Variants in MYH9 observed in about 807,000 individuals in gnomAD.
The protein encoded by MYH9 is myosin heavy chain 9.
A neutral mutation model predicts 241.9 loss-of-function variants in MYH9; 29 were observed. The observed-to-expected ratio is 0.12, with a 90% CI of 0.09 to 0.16. MYH9 has a LOEUF of 0.16. MYH9 is among the 10% of genes least tolerant of loss of function. The pLI is 1.00. For synonymous variants in MYH9, 1,047 were observed against 1,062.6 expected (o/e 0.99, Z 0.29); for missense variants, 1,803 against 2,595.5 (o/e 0.69, Z 6.63).
chr22:36,315,709 C>T (rs1213133649), intron 12 of MYH9, among the ~76,000 whole-genome samples: 1 of 151,736 alleles, frequency 6.6e-6, no homozygotes, highest in African/African-American at 2.4e-5. Flanking sequence ...GTTCACACCA[C>T]TGCACTCCAG....
chr22:36,323,652 C>T (rs964258675), intron 5 of MYH9, among the ~76,000 whole-genome samples: 6 of 152,098 alleles, frequency 3.9e-5, no homozygotes, highest in Middle Eastern at 3.2e-3. Context: ...TGCAGGGCAC[C>T]GGGGACACTC....
intron 1 of MYH9, among the ~76,000 whole-genome samples, chr22:36,374,160 A>T (rs2018130664): frequency 6.6e-6 from 1 of 152,056 alleles, no homozygotes; most frequent in South Asian, 2.1e-4. Context: ...AGGCAAGTGG[A>T]TCACCTGAAA....
In MYH9 at chr22:36,284,135, T is replaced by C; in HGVS notation, c.5723A>G (p.Asp1908Gly). 2 of 1,614,214 alleles carry C rather than the reference T, an allele frequency of 1.2e-6. No individual in the cohort carries two copies. The highest frequency in any genetic ancestry group is 1.7e-6 in the Non-Finnish European group (2 of 1,180,024). The change falls in exon 40 of 41, where the codon GAT (aspartate) becomes GGT (glycine). Residue 1908 changes from aspartate (D) to glycine (G), a missense_variant. Coordinates refer to ENST00000216181, the MANE Select transcript of MYH9 (RefSeq NM_002473.6). ...GGAGCTGACTTCGCGGTTCATGGCA[T>C]CGGCCGTCTCAGTGGCGTCCTCCAG... ...RELEDATETA[D>G]AMNREVSSLK... is the part of the protein sequence containing the mutation.
At chr22:36,299,361 C>G (rs2016838409) in intron 23 of MYH9, among the ~76,000 whole-genome samples, 1 of 152,232 alleles carries the variant, frequency 6.6e-6, no homozygotes, top group South Asian at 2.1e-4. Flanking sequence ...CTTCAAGAGG[C>G]TGCCACACGG....
At chr22:36,381,727 G>A (rs2018259297) in intron 1 of MYH9, among the ~76,000 whole-genome samples, 1 of 152,046 alleles carries the variant, frequency 6.6e-6, no homozygotes, top group Non-Finnish European at 1.5e-5. Flanking sequence ...ATAGCTTGGA[G>A]AGCACACCCT....
At chr22:36,307,766 T>C (rs1232253428) in intron 15 of MYH9, among the ~76,000 whole-genome samples, 2 of 151,964 alleles carry the variant, frequency 1.3e-5, no homozygotes, top group East Asian at 3.9e-4. Context: ...CGGGTGCCTG[T>C]AATCCTAGCT....
chr22:36,347,538 G>A (rs887602347), intron 2 of MYH9, among the ~76,000 whole-genome samples: 4 of 151,798 alleles, frequency 2.6e-5, no homozygotes, highest in Admixed American at 1.3e-4. Flanking sequence ...TTCGAGACCA[G>A]CCCTAGGCAA....
At chr22:36,353,025 C>T (rs73885365) in intron 1 of MYH9, among the ~76,000 whole-genome samples, 10,824 of 152,158 alleles carry the variant, frequency 0.071, 1,272 homozygotes, top group African/African-American at 0.25. Context: ...TGGGCAGGAT[C>T]AGCCACATTC....
intron 10 of MYH9, 82 bp from the exon 11 acceptor site, chr22:36,318,407 A>G (rs878946156): frequency 3.3e-5 from 37 of 1,115,354 alleles, no homozygotes; most frequent in Middle Eastern, 2.0e-4. Flanking sequence ...ACCCAAGAGA[A>G]TAAGTCCCTC....
chr22:36,285,738 C>A lies in MYH9; in HGVS notation c.5194G>T (p.Ala1732Ser), dbSNP rs1050130268. 6.2e-7 allele frequency: 1 copy of A among 1,612,420 alleles called. No individual in the cohort carries two copies. Among genetic ancestry groups the A allele is most frequent in the Admixed American group, 1.7e-5 (1 of 59,816 alleles). Reference protein sequence around the residue: ...EEKRRLEARIAQLEEELEEEQ... With the variant: ...EEKRRLEARISQLEEELEEEQ... ...TCCTCCAGCTCCTCCTCCAGCTGGGCGATGCGGGCCTCCAGACGCCGCTTC... is the reference window on the plus strand; with the variant it reads ...TCCTCCAGCTCCTCCTCCAGCTGGGAGATGCGGGCCTCCAGACGCCGCTTC... Residue 1732 changes from alanine (A) to serine (S), a missense_variant, in exon 37 of 41, where the codon GCC (alanine) becomes TCC (serine). Around this residue, in one of 11 missense-constraint regions of MYH9, gnomAD observed 876 missense variants for 1,077.8 expected, o/e 0.81. Transcript: ENST00000216181. The surrounding 1 kb of genome is among the most constrained non-coding windows in gnomAD (Gnocchi z 7.0).
At chr22:36,352,418 C>T (rs373389350) in intron 1 of MYH9, among the ~76,000 whole-genome samples, 3 of 152,290 alleles carry the variant, frequency 2.0e-5, no homozygotes, top group East Asian at 1.9e-4. Context: ...CGTCCTCAAA[C>T]GCTGCTTCGC....
At chr22:36,291,922 C>T in intron 31 of MYH9, 64 bp downstream of exon 31, 1 of 1,611,374 alleles carries the variant, frequency 6.2e-7, no homozygotes, top group Non-Finnish European at 8.5e-7. Flanking sequence ...CTGATGGGCC[C>T]TTTGCTTTGG....
rs1490741454 is a variant in MYH9 at position 36,329,904 on chromosome 22, T to C, written c.491-2416A>G. Among the ~76,000 whole-genome samples, 2 of 152,056 alleles carry C rather than the reference T, an allele frequency of 1.3e-5. No homozygotes were observed. Among genetic ancestry groups the C allele is most frequent in the Non-Finnish European group, 2.9e-5 (2 of 68,018 alleles). On this transcript the variant is annotated intron_variant, in intron 3 of 40. Transcript: ENST00000216181. The surrounding 1 kb of genome is among the most constrained non-coding windows in gnomAD (Gnocchi z 4.1). Reference sequence around the variant, plus strand: ...ATGCGCACACACGTGTGCAAAGCCATATACATAGATCCACACAAGGCACAC... The same window carrying C: ...ATGCGCACACACGTGTGCAAAGCCACATACATAGATCCACACAAGGCACAC...
chr22:36,287,907 A>G (rs1569534775), intron 34 of MYH9, among the ~76,000 whole-genome samples: 1 of 152,240 alleles, frequency 6.6e-6, no homozygotes, highest in Non-Finnish European at 1.5e-5. Context: ...CCATCGCCCC[A>G]GAGCCCAGAA....
Position 36,285,129 on chromosome 22 carries a change from G to A in MYH9, c.5475C>T (p.Asn1825=), listed in dbSNP as rs747177367. 32 of 1,613,986 alleles carry A rather than the reference G, an allele frequency of 2.0e-5. No individual in the cohort carries two copies. The highest frequency in any genetic ancestry group is 1.7e-4 in the Middle Eastern group (1 of 5,928). ...KIAQLEEQLD[N]ETKERQAACK... is the part of the protein sequence containing the mutation. ...GGGCCAGGGGCACGTACTTGGTCTC[G>A]TTGTCCAGCTGCTCCTCCAGCTGTG... Residue 1825 remains asparagine (N), a synonymous_variant, in exon 38 of 41, where the codon AAC becomes AAT. Coordinates refer to ENST00000216181, the MANE Select transcript of MYH9 (RefSeq NM_002473.6). The surrounding 1 kb of genome is among the most constrained non-coding windows in gnomAD (Gnocchi z 7.0).
At chr22:36,342,613 A>C (rs2017606774) in intron 2 of MYH9, among the ~76,000 whole-genome samples, 1 of 151,920 alleles carries the variant, frequency 6.6e-6, no homozygotes, top group Non-Finnish European at 1.5e-5. Flanking sequence ...TTTTTCTCCC[A>C]AGATCCCTTT....
rs981964282 is a variant in MYH9 at position 36,285,406 on chromosome 22, G to A, written c.5275-77C>T. On this transcript the variant is annotated intron_variant, in intron 37 of 40. Coordinates refer to ENST00000216181, the MANE Select transcript of MYH9 (RefSeq NM_002473.6). This position sits in a 1 kb window ranked among gnomAD's most constrained non-coding sequence, Gnocchi z 7.0. ...GGCATGAGCAGGGCCAGAGGAAGGT[G>A]GCAGCAGGATCCCACCAAACCCTTG... 7 of 1,493,192 alleles carry A rather than the reference G, an allele frequency of 4.7e-6. No individual in the cohort carries two copies. Among genetic ancestry groups the A allele is most frequent in the South Asian group, 1.1e-5 (1 of 88,526 alleles). The allele number at this position is 1,493,192 out of a possible 1,614,324, so 92.5% of individuals were successfully genotyped here. A position where few individuals can be genotyped will look rare whatever the true frequency, so the allele number is the denominator to read the frequency against.
rs1277008210 is a variant in MYH9, at chr22:36,304,020, A to G, written c.2365T>C (p.Cys789Arg). 5 of 1,613,618 alleles carry G rather than the reference A, an allele frequency of 3.1e-6. No homozygotes were observed. Among genetic ancestry groups the G allele is most frequent in the African/African-American group, 2.7e-5 (2 of 74,944 alleles). ...TTCCTGGCCAGGTAGCCCCTGCAGCAGGCCTGGAACCCTATGATGACGTCG... is the reference window on the plus strand; with the variant it reads ...TTCCTGGCCAGGTAGCCCCTGCAGCGGGCCTGGAACCCTATGATGACGTCG... ...ITDVIIGFQA[C>R]CRGYLARKAF... is the part of the protein sequence containing the mutation. Residue 789 changes from cysteine to arginine, a missense_variant, in exon 19 of 41, where the codon TGC becomes CGC. Coordinates refer to ENST00000216181, the MANE Select transcript of MYH9 (RefSeq NM_002473.6).
intron 30 of MYH9, among the ~76,000 whole-genome samples, chr22:36,292,884 A>C (rs1219695197): frequency 1.3e-5 from 2 of 152,218 alleles, no homozygotes; most frequent in Admixed American, 1.3e-4. Context: ...ACACATTCTA[A>C]AAAACCATGG....
Sources: gnomAD v4.1 joint callset for allele counts (sites outside exome capture counted in the v4.1 genomes callset) on GRCh38, gnomAD v4.1.1 for gene constraint, gnomAD v4.1.1 regional missense constraint, Gnocchi (gnomAD v3.1) non-coding constraint, MANE v1.5 for transcripts, NCBI Gene and HGNC (gene_info 2026-07-23, HGNC 2026-07-21) for gene names.